The following FHOD3 variants were observed in gnomAD, a reference collection of about 807,000 sequenced individuals.
FHOD3 encodes the protein formin homology 2 domain containing 3, also known as FH1/FH2 domain-containing protein 3.
In FHOD3, 90 loss-of-function variants were observed where a neutral mutation model predicts 173.0. The observed-to-expected ratio is 0.52, with a 90% CI of 0.44 to 0.62. FHOD3 has a LOEUF of 0.62. Ranked by LOEUF, FHOD3 falls within the 20% of genes least tolerant of loss-of-function variation. The pLI is 0.00. For missense variants in FHOD3, 1,945 were observed against 2,034.7 expected (o/e 0.96, Z 0.85); for synonymous variants, 828 against 823.0 (o/e 1.01, Z -0.10).
At chr18:36,618,310 G>GTTTTTTTTTTTT (rs1465774220) in intron 9 of FHOD3, among the ~76,000 whole-genome samples, 17 of 85,218 alleles carry the variant, frequency 2.0e-4, no homozygotes, top group Non-Finnish European at 3.3e-4. Context: ...GTTTTTTGGT[G>GTTTTTTTTTTTT]GTTTTTTTTT....
rs150712879 is a variant in FHOD3, at chr18:36,507,823, G to A, written c.406-4615G>A. On this transcript the variant is annotated intron_variant, in intron 4 of 28. Coordinates refer to ENST00000590592, the MANE Select transcript of FHOD3 (RefSeq NM_001281740.3). ...GGACTCAGATCCCCAACTGCAGTTG[G>A]GCTAGACTCTTCTTATGCCAGCAGA... Among the ~76,000 whole-genome samples the A allele has an allele frequency of 2.7e-3, 411 of 152,084 alleles. 3 individuals carry two copies. Among genetic ancestry groups the A allele is most frequent in the South Asian group, 0.016 (79 of 4,804 alleles).
At chr18:36,558,708 ATAT>A (rs538797716) in intron 5 of FHOD3, among the ~76,000 whole-genome samples, 16 of 152,358 alleles carry the variant, frequency 1.1e-4, no homozygotes, top group African/African-American at 3.6e-4. Context: ...ATGCAGTGAA[ATAT>A]TAGTGGTTTA....
chr18:36,748,630 C>T (rs535106742), intron 24 of FHOD3, among the ~76,000 whole-genome samples: 1 of 152,232 alleles, frequency 6.6e-6, no homozygotes, highest in Non-Finnish European at 1.5e-5. Context: ...GATGGCTGCT[C>T]CCGCCTCACC....
intron 5 of FHOD3, among the ~76,000 whole-genome samples, chr18:36,517,008 C>A (rs1385013676): frequency 6.6e-6 from 1 of 151,718 alleles, no homozygotes; most frequent in Non-Finnish European, 1.5e-5. Context: ...TTTTAAGGCC[C>A]AGGAATCCGC....
intron 1 of FHOD3, among the ~76,000 whole-genome samples, chr18:36,330,906 C>A (rs1362450393): frequency 1.3e-5 from 2 of 152,104 alleles, no homozygotes; most frequent in South Asian, 2.1e-4. Flanking sequence ...GGCACATGGA[C>A]CTCTGTGGCC....
In FHOD3 at chr18:36,741,096, A is replaced by G. The variant is rs1004001907; in HGVS notation, c.3759+258A>G. Among the ~76,000 whole-genome samples, 3 of 152,142 alleles carry G rather than the reference A, an allele frequency of 2.0e-5. No individual in the cohort carries two copies. The South Asian group carries it at 6.2e-4, about 32-fold the overall frequency. ...TCACTGATTACAAAACAAAACAATT[A>G]CATTTTTTTTTCAGATCCTATATTC... On this transcript the variant is annotated intron_variant, in intron 21 of 28. Transcript: ENST00000590592.
chr18:36,451,876 G>A lies in FHOD3; in HGVS notation c.338-50056G>A, dbSNP rs376156287. On this transcript the variant is annotated intron_variant, in intron 3 of 28. Transcript: ENST00000590592. ...GTTAAGAGTAAGAGGTGGGTTCTGAGGGGGGTAGTGCAGTGGCTCAGCACA... is the reference window on the plus strand; with the variant it reads ...GTTAAGAGTAAGAGGTGGGTTCTGAAGGGGGTAGTGCAGTGGCTCAGCACA... 7.9e-5 allele frequency among the ~76,000 whole-genome samples: 12 copies of A among 152,290 alleles called. 1 individual carries two copies. Among genetic ancestry groups the A allele is most frequent in the Admixed American group, 3.3e-4 (5 of 15,300 alleles).
At chr18:36,559,287 T>A in intron 5 of FHOD3, among the ~76,000 whole-genome samples, 1 of 152,180 alleles carries the variant, frequency 6.6e-6, no homozygotes, top group East Asian at 1.9e-4. Flanking sequence ...TAGTGTTGTT[T>A]GTCCTCCCAG....
Position 36,380,543 on chromosome 18 carries a change from CTTTCTTTTGTTTTCTTTTCT to C in FHOD3, c.337+7808_337+7827del, listed in dbSNP as rs1205854759. Among the ~76,000 whole-genome samples the C allele has an allele frequency of 1.4e-3, 173 of 119,500 alleles. 3 individuals carry two copies. Among genetic ancestry groups the C allele is most frequent in the East Asian group, 7.2e-3 (23 of 3,212 alleles). The allele number at this position is 119,500 out of a possible 152,430, so 78.4% of individuals were successfully genotyped here. A position where few individuals can be genotyped will look rare whatever the true frequency, so the allele number is the denominator to read the frequency against. ...TCTCTCCCTTTTTCCCTTTCTCTCT[CTTTCTTTTGTTTTCTTTTCT>C]TTTCTTTTCTTTTCTTTTCCTTTCC... On this transcript the variant is annotated intron_variant, in intron 3 of 28. Transcript: ENST00000590592.
intron 5 of FHOD3, among the ~76,000 whole-genome samples, chr18:36,535,954 A>G (rs2056975538): frequency 6.6e-6 from 1 of 152,224 alleles, no homozygotes; most frequent in African/African-American, 2.4e-5. Context: ...TTAATTGACT[A>G]AATTCAAACT....
chr18:36,367,011 C>G (rs1291560046), intron 2 of FHOD3, among the ~76,000 whole-genome samples: 1 of 152,152 alleles, frequency 6.6e-6, no homozygotes, highest in Non-Finnish European at 1.5e-5. Flanking sequence ...ATAATGTAAG[C>G]ACTTGTTCTT....
At chr18:36,514,352 C>T (rs940886098) in intron 5 of FHOD3, among the ~76,000 whole-genome samples, 2 of 152,108 alleles carry the variant, frequency 1.3e-5, no homozygotes, top group African/African-American at 2.4e-5. Flanking sequence ...GCTGTTGTGC[C>T]ATGTTGCATC....
chr18:36,498,153 T>A (rs946764481), intron 3 of FHOD3, among the ~76,000 whole-genome samples: 1 of 152,054 alleles, frequency 6.6e-6, no homozygotes, highest in Non-Finnish European at 1.5e-5. Flanking sequence ...TTAATAAAAT[T>A]TTCAAATAAA....
At chr18:36,712,681 G>A (rs2040233828) in intron 18 of FHOD3, among the ~76,000 whole-genome samples, 1 of 152,154 alleles carries the variant, frequency 6.6e-6, no homozygotes, top group African/African-American at 2.4e-5. Context: ...GAGAGAGAGT[G>A]TAATGCTGAA....
At chr18:36,548,609 C>T (rs2057511227) in intron 5 of FHOD3, among the ~76,000 whole-genome samples, 1 of 152,210 alleles carries the variant, frequency 6.6e-6, no homozygotes, top group South Asian at 2.1e-4. Context: ...ATCCCTTCCC[C>T]AGGCAACCAC....
At position 36,729,324 on chromosome 18, in the gene FHOD3, CCCCAGGTGCCACCTGCA is replaced by C. The variant is rs1192485020; in HGVS notation, c.3418-1317_3418-1301del. Among the ~76,000 whole-genome samples the C allele has an allele frequency of 3.9e-5, 6 of 152,282 alleles. No individual in the cohort carries two copies. The East Asian group carries it at 5.8e-4, about 15-fold the overall frequency. ...TGGAGCCAAGTCTTCTCCCACCTGCCCCCAGGTGCCACCTGCACCCAACTTCCTGAGAGCTGAAGAGG... is the reference window on the plus strand; with the variant it reads ...TGGAGCCAAGTCTTCTCCCACCTGCCCCCAACTTCCTGAGAGCTGAAGAGG... On this transcript the variant is annotated intron_variant, in intron 19 of 28. Coordinates refer to ENST00000590592, the MANE Select transcript of FHOD3 (RefSeq NM_001281740.3).
intron 10 of FHOD3, among the ~76,000 whole-genome samples, chr18:36,644,524 G>A (rs2149023860): frequency 6.6e-6 from 1 of 152,302 alleles, no homozygotes; most frequent in East Asian, 1.9e-4. Flanking sequence ...CTCCAAGTGG[G>A]TCATTGTGCT....
chr18:36,769,436 T>A lies in FHOD3; in HGVS notation c.4786+10T>A. 2.5e-6 allele frequency: 4 copies of A among 1,613,582 alleles called. No homozygotes were observed. The highest frequency in any genetic ancestry group is 3.4e-6 in the Non-Finnish European group (4 of 1,179,796). On this transcript the variant is annotated intron_variant, in intron 28 of 28. Transcript: ENST00000590592. The stretch of plus-strand genomic sequence containing the variant: ...GCCAACCGGAAATCTTGTGAGTGCA[T>A]TAAAGGAGGGGCGAGCCTTCACCCC...
At chr18:36,734,919 A>T (rs563216942) in intron 20 of FHOD3, among the ~76,000 whole-genome samples, 1 of 152,308 alleles carries the variant, frequency 6.6e-6, no homozygotes, top group South Asian at 2.1e-4. Context: ...GTATGTATCC[A>T]GGTTTGTCAT....
Sources: allele counts gnomAD v4.1 joint callset (sites outside exome capture counted in the v4.1 genomes callset), GRCh38; gene constraint gnomAD v4.1.1; transcripts MANE v1.5; gene names NCBI Gene and HGNC (gene_info 2026-07-23, HGNC 2026-07-21).